Variants in MTUS2 observed in about 807,000 individuals in gnomAD.
The protein encoded by MTUS2 is microtubule-associated tumor suppressor candidate 2.
MTUS2 carries 40 observed loss-of-function variants against 114.1 expected under a neutral mutation model. The observed-to-expected ratio is 0.35, with a 90% CI of 0.27 to 0.46. MTUS2 has a LOEUF of 0.46. MTUS2 is among the 20% of genes least tolerant of loss of function. The pLI, the probability that MTUS2 is intolerant of heterozygous loss-of-function variation, is 1.00. For synonymous variants in MTUS2, 688 were observed against 672.0 expected, an observed-to-expected ratio of 1.02 and a Z score of -0.37; for missense variants, 1,679 against 1,705.4, an observed-to-expected ratio of 0.98 and a Z score of 0.27.
At chr13:29,185,586 TC>T (rs1287763524) in intron 5 of MTUS2, among the ~76,000 whole-genome samples, 2 of 151,718 alleles carry the variant, frequency 1.3e-5, no homozygotes, top group Non-Finnish European at 2.9e-5. Flanking sequence ...AGCTGATTTC[TC>T]CCCCCCAAAA....
chr13:28,908,257 C>G (rs902792318), intron 2 of MTUS2, among the ~76,000 whole-genome samples: 2 of 151,458 alleles, frequency 1.3e-5, no homozygotes, highest in Non-Finnish European at 2.9e-5. Flanking sequence ...TGTCATTTAA[C>G]ATTAGGTATA....
At chr13:28,987,324 A>G (rs1884632758) in intron 2 of MTUS2, among the ~76,000 whole-genome samples, 1 of 152,208 alleles carries the variant, frequency 6.6e-6, no homozygotes, top group African/African-American at 2.4e-5. Flanking sequence ...CATCTAGTGC[A>G]GCACAGAGAG....
chr13:29,071,788 G>C lies in MTUS2; in HGVS notation c.2447-28985G>C, dbSNP rs187605064. ...TGGAAGATTTTCTCAAATTCTTTGT[G>C]ATCTTTTATTATTGAGTTGGATGAG... On this transcript the variant is annotated intron_variant, in intron 4 of 15. Transcript: ENST00000612955. Among the ~76,000 whole-genome samples, 168 of 152,148 alleles carry C rather than the reference G, an allele frequency of 1.1e-3. 1 individual carries two copies. The highest frequency in any genetic ancestry group is 3.9e-3 in the African/African-American group (162 of 41,508).
At chr13:29,153,913 A>G (rs1892758723) in intron 5 of MTUS2, among the ~76,000 whole-genome samples, 1 of 152,074 alleles carries the variant, frequency 6.6e-6, no homozygotes, top group African/African-American at 2.4e-5. Flanking sequence ...GTACCTCTGT[A>G]CTCCCTGTTG....
intron 5 of MTUS2, among the ~76,000 whole-genome samples, chr13:29,207,823 G>A (rs1895254886): frequency 6.6e-6 from 1 of 152,092 alleles, no homozygotes; most frequent in Admixed American, 6.5e-5. Context: ...GATTCCATTA[G>A]CTAGTATTTT....
Position 29,024,719 on chromosome 13 carries a change from T to C in MTUS2, c.21T>C (p.Pro7=). 2.5e-6 allele frequency: 4 copies of C among 1,613,918 alleles called. No individual in the cohort carries two copies. Among genetic ancestry groups the C allele is most frequent in the Non-Finnish European group, 3.4e-6 (4 of 1,179,866 alleles). Residue 7 remains proline (P), a synonymous_variant, in exon 3 of 16, where the codon CCT becomes CCC. Transcript: ENST00000612955. ...TGACAATGAGCGTCCCAGTGGCTCC[T>C]AAGAAATCATGTTACACTCAGTTGC... MSVPVA[P]KKSCYTQLRD... is the part of the protein sequence containing the mutation.
In MTUS2 at chr13:29,503,725, A is replaced by C; in HGVS notation, c.*519A>C. 2 of 187,742 alleles carry C rather than the reference A, an allele frequency of 1.1e-5. No homozygotes were observed. The highest frequency in any genetic ancestry group is 2.0e-5 in the Non-Finnish European group (2 of 101,736). 11.6% of individuals were successfully genotyped at this position (187,742 alleles called of 1,614,324 possible). A position where few individuals can be genotyped will look rare whatever the true frequency, so the allele number is the denominator to read the frequency against. ...TATCTAGCTTCCCAGGAATATTTCT[A>C]CCCAAAATAGAAAAAGGAAAAAAAA... On this transcript the variant is annotated 3_prime_UTR_variant, in exon 16 of 16. Coordinates refer to ENST00000612955, the MANE Select transcript of MTUS2 (RefSeq NM_001033602.4).
intron 5 of MTUS2, among the ~76,000 whole-genome samples, chr13:29,123,825 G>T (rs553405276): frequency 6.6e-6 from 1 of 152,332 alleles, no homozygotes; most frequent in Admixed American, 6.5e-5. Context: ...AAACCCAAGT[G>T]TTCTCAGAAC....
intron 4 of MTUS2, among the ~76,000 whole-genome samples, chr13:29,056,994 A>G (rs878916809): frequency 6.6e-6 from 1 of 151,936 alleles, no homozygotes; most frequent in Non-Finnish European, 1.5e-5. Flanking sequence ...TAGAGATTCT[A>G]GTATGTTGTA....
chr13:29,221,016 G>A (rs532390738), intron 5 of MTUS2, among the ~76,000 whole-genome samples: 1 of 152,302 alleles, frequency 6.6e-6, no homozygotes, highest in South Asian at 2.1e-4. Context: ...TCCAACAATA[G>A]AGGTGTGAAT....
chr13:29,191,703 T>C (rs935047428), intron 5 of MTUS2, among the ~76,000 whole-genome samples: 2 of 152,098 alleles, frequency 1.3e-5, no homozygotes, highest in Non-Finnish European at 2.9e-5. Flanking sequence ...CAGCCCACCA[T>C]TCCCTGGCTC....
At chr13:29,158,358 C>CCCCCCCTCTTTT in intron 5 of MTUS2, among the ~76,000 whole-genome samples, 12 of 32,050 alleles carry the variant, frequency 3.7e-4, no homozygotes, top group Non-Finnish European at 5.6e-4. Context: ...GTCCACCCCG[C>CCCCCCCTCTTTT]TTTTTTTTTT....
intron 2 of MTUS2, among the ~76,000 whole-genome samples, chr13:29,013,008 T>C: frequency 6.6e-6 from 1 of 152,224 alleles, no homozygotes; most frequent in Non-Finnish European, 1.5e-5. Context: ...CCTGCAAACA[T>C]ACACTTGAAT....
chr13:29,050,093 C>T (rs368961173), intron 4 of MTUS2, among the ~76,000 whole-genome samples: 5 of 152,250 alleles, frequency 3.3e-5, no homozygotes, highest in Middle Eastern at 3.4e-3. Context: ...GAGTCTCCAC[C>T]TCCCTATTCC....
chr13:29,386,967 G>A (rs1872668500), intron 8 of MTUS2, among the ~76,000 whole-genome samples: 1 of 152,112 alleles, frequency 6.6e-6, no homozygotes, highest in South Asian at 2.1e-4. Flanking sequence ...ACCACTCTAA[G>A]GGTTTAAAAG....
intron 2 of MTUS2, among the ~76,000 whole-genome samples, chr13:28,978,899 T>A (rs898803667): frequency 1.3e-5 from 2 of 152,190 alleles, no homozygotes; most frequent in Non-Finnish European, 2.9e-5. Flanking sequence ...AACCAGCCAG[T>A]GAGGCTCTTT....
intron 9 of MTUS2, among the ~76,000 whole-genome samples, chr13:29,464,658 A>C (rs1431664003): frequency 6.6e-6 from 1 of 152,200 alleles, no homozygotes; most frequent in Non-Finnish European, 1.5e-5. Context: ...TTTGAAGTGC[A>C]GACTCTCAGA....
At chr13:29,119,209 G>C (rs1013065125) in intron 5 of MTUS2, among the ~76,000 whole-genome samples, 30 of 152,112 alleles carry the variant, frequency 2.0e-4, no homozygotes, top group African/African-American at 7.0e-4. Flanking sequence ...ATAAAATCCT[G>C]AATCTCAGTA....
intron 9 of MTUS2, among the ~76,000 whole-genome samples, chr13:29,464,814 C>T (rs953629300): frequency 3.3e-5 from 5 of 152,206 alleles, no homozygotes; most frequent in Admixed American, 6.5e-5. Flanking sequence ...ATCAGCATCA[C>T]CTGGGAATGT....
Sources: gnomAD v4.1 joint callset for allele counts (sites outside exome capture counted in the v4.1 genomes callset) on GRCh38, gnomAD v4.1.1 for gene constraint, MANE v1.5 for transcripts, NCBI Gene and HGNC (gene_info 2026-07-23, HGNC 2026-07-21) for gene names.